GON4L: variants seen among roughly 807,000 people sequenced by gnomAD.
GON4L encodes the protein gon-4 like.
GON4L carries 87 observed loss-of-function variants against 211.8 expected under a neutral mutation model. That is an observed-to-expected ratio of 0.41 (90% CI 0.35 to 0.49). The LOEUF (loss-of-function observed/expected upper bound fraction) is 0.49. Ranked by LOEUF, GON4L falls within the 20% of genes least tolerant of loss-of-function variation. The pLI is 0.15. For synonymous variants in GON4L, 875 were observed against 962.6 expected (o/e 0.91, Z 1.68); for missense variants, 2,155 against 2,659.5 (o/e 0.81, Z 4.17).
chr1:155,791,717 A>G (rs12040894), intron 12 of GON4L, among the ~76,000 whole-genome samples: 42,679 of 151,488 alleles, frequency 0.28, 6,685 homozygotes, highest in East Asian at 0.7. Flanking sequence ...AAAATACAAA[A>G]ATTAGCTGGG....
intron 2 of GON4L, 68 bp downstream of exon 2, chr1:155,853,208 G>T: frequency 8.0e-7 from 1 of 1,246,554 alleles, no homozygotes; most frequent in Non-Finnish European, 1.2e-6. Context: ...CTCTGTAAAG[G>T]TATCCAGAAA....
chr1:155,751,831 T>C lies in GON4L; in HGVS notation c.6512A>G (p.Gln2171Arg). ...DRVILTMCQE[Q>R]GAQPQTFNII... ...GTTGAAGGTCTGTGGCTGTGCCCCT[T>C]GCTCCTGGCACATGGTGAGGATCAC... Residue 2171 changes from glutamine to arginine, a missense_variant, in exon 31 of 32, where the codon CAA becomes CGA. By Grantham distance (43) the Gln-to-Arg change is conservative. Around this residue, in one of 6 missense-constraint regions of GON4L, gnomAD observed 186 missense variants for 308.1 expected, o/e 0.60. Coordinates refer to ENST00000368331, the MANE Select transcript of GON4L (RefSeq NM_001282860.2). 2 of 1,613,786 alleles carry C rather than the reference T, an allele frequency of 1.2e-6. No individual in the cohort carries two copies. Among genetic ancestry groups the C allele is most frequent in the Non-Finnish European group, 1.7e-6 (2 of 1,179,696 alleles).
intron 2 of GON4L, among the ~76,000 whole-genome samples, chr1:155,848,819 G>T (rs567926534): frequency 6.6e-6 from 1 of 152,322 alleles, no homozygotes; most frequent in South Asian, 2.1e-4. Flanking sequence ...ACATCAAAAT[G>T]TGTTTTGTAG....
intron 27 of GON4L, among the ~76,000 whole-genome samples, chr1:155,756,258 A>G (rs1468191934): frequency 1.3e-5 from 2 of 152,214 alleles, no homozygotes; most frequent in East Asian, 1.9e-4. Context: ...TATCATTATT[A>G]TTAATATGGG....
rs923308664 is a variant in GON4L at position 155,765,443 on chromosome 1, T to A, written c.4030A>T (p.Ile1344Phe). The A allele has an allele frequency of 2.5e-5, 41 of 1,614,034 alleles. No individual in the cohort carries two copies. The highest frequency in any genetic ancestry group is 3.4e-5 in the Non-Finnish European group (40 of 1,180,018). Residue 1344 changes from isoleucine to phenylalanine, a missense_variant, in exon 21 of 32, where the codon ATT becomes TTT. By Grantham distance (21) the Ile-to-Phe change is conservative (BLOSUM62 0). Transcript: ENST00000368331. ...TGTTCCACTTTGATGTCATCACAAA[T>A]ATCACGCTCAGGGGATCCACTGATT... is the stretch of plus-strand genomic sequence containing the variant. ...EEISGSPERDICDDIKVEHAV... is the reference protein window; with the variant it reads ...EEISGSPERDFCDDIKVEHAV...
intron 6 of GON4L, among the ~76,000 whole-genome samples, chr1:155,820,291 C>A (rs1434841758): frequency 4.6e-5 from 7 of 152,164 alleles, no homozygotes. Context: ...CCCTGGAACA[C>A]ACTATGAAAA....
chr1:155,753,947 G>A, intron 28 of GON4L: 1 of 268,324 alleles, frequency 3.7e-6, no homozygotes, highest in East Asian at 1.0e-4. Flanking sequence ...ATGGCTCACT[G>A]CAACCTCTGC....
chr1:155,758,760 T>G (rs1351261381), intron 24 of GON4L, among the ~76,000 whole-genome samples: 2 of 152,012 alleles, frequency 1.3e-5, no homozygotes, highest in Non-Finnish European at 2.9e-5. Flanking sequence ...ATGCCTGTAA[T>G]CCCTGCTACC....
At chr1:155,767,087 G>A in intron 20 of GON4L, 1 of 613,478 alleles carries the variant, frequency 1.6e-6, no homozygotes, top group Middle Eastern at 4.4e-4. Flanking sequence ...AAAAACAATA[G>A]GGCTTTCTAG....
Position 155,754,380 on chromosome 1 carries a change from TGCTACAGTG to T in GON4L, c.5617_5625del (p.His1873_Ser1875del), listed in dbSNP as rs866826319. ...ACCCTTGATACTTTCCTCACCTTGCTGCTACAGTGGCTACAGCTCCGCCTTTTGCTCTTC... is the reference window on the plus strand; with the variant it reads ...ACCCTTGATACTTTCCTCACCTTGCTGCTACAGCTCCGCCTTTTGCTCTTC... On this transcript the variant is annotated inframe_deletion, in exon 28 of 32. Transcript: ENST00000368331. 1.3e-6 allele frequency: 2 copies of T among 1,596,358 alleles called. No individual in the cohort carries two copies. The highest frequency in any genetic ancestry group is 2.7e-5 in the African/African-American group (2 of 74,628).
At chr1:155,806,046 G>A (rs758579162) in intron 10 of GON4L, among the ~76,000 whole-genome samples, 2 of 149,938 alleles carry the variant, frequency 1.3e-5, no homozygotes, top group Non-Finnish European at 3.0e-5. Flanking sequence ...CTACAGCACT[G>A]GCACAATCAG....
intron 6 of GON4L, among the ~76,000 whole-genome samples, chr1:155,820,143 A>G (rs998647024): frequency 3.3e-5 from 5 of 151,870 alleles, no homozygotes; most frequent in African/African-American, 1.2e-4. Flanking sequence ...CGAACTCCTG[A>G]CTTCAAGTGA....
Position 155,853,773 on chromosome 1 carries a change from G to T in GON4L, c.8C>A (p.Pro3His), listed in dbSNP as rs769679479. 5 of 1,612,976 alleles carry T rather than the reference G, an allele frequency of 3.1e-6. No individual in the cohort carries two copies. The highest frequency in any genetic ancestry group is 4.2e-6 in the Non-Finnish European group (5 of 1,179,156). Residue 3 changes from proline to histidine, a missense_variant, in exon 2 of 32, where the codon CCC (proline) becomes CAC (histidine). By Grantham distance (77) the Pro-to-His change is moderately conservative. Around this residue, in one of 6 missense-constraint regions of GON4L, gnomAD observed 313 missense variants for 293.2 expected, o/e 1.07. Coordinates refer to ENST00000368331, the MANE Select transcript of GON4L (RefSeq NM_001282860.2). ...CACTGTAGTTCTTCTCTTCTTACAG[G>T]GCAACATTTTAAAAGTCCCACTTTT... ML[P>H]CKKRRTTVTE...
chr1:155,754,631 G>A lies in GON4L; in HGVS notation c.5518-143C>T, dbSNP rs1292993077. ...CGCAACCTCTGCCTCCCAGGTTCAA[G>A]GGATTCTCCTGCCTCAGGCTCCTGA... is the stretch of plus-strand genomic sequence containing the variant. On this transcript the variant is annotated intron_variant, in intron 27 of 31. Transcript: ENST00000368331. 6.6e-6 allele frequency: 4 copies of A among 602,330 alleles called. No individual in the cohort carries two copies. The African/African-American group carries it at 7.5e-5, about 11-fold the overall frequency. The allele number at this position is 602,330 out of a possible 1,614,324, so 37.3% of individuals were successfully genotyped here.
chr1:155,787,023 G>A (rs1477352726), intron 12 of GON4L, among the ~76,000 whole-genome samples: 3 of 151,758 alleles, frequency 2.0e-5, no homozygotes, highest in African/African-American at 7.3e-5. Context: ...CCAGGTTCAC[G>A]CCATTCTCCT....
chr1:155,767,859 C>A (rs1662698038), intron 19 of GON4L, among the ~76,000 whole-genome samples: 1 of 152,182 alleles, frequency 6.6e-6, no homozygotes, highest in Admixed American at 6.5e-5. Context: ...ATGCTCAGAG[C>A]AATCTTATGT....
intron 29 of GON4L, among the ~76,000 whole-genome samples, chr1:155,752,866 T>C (rs887629805): frequency 2.6e-5 from 4 of 152,102 alleles, no homozygotes; most frequent in Non-Finnish European, 4.4e-5. Flanking sequence ...ATGTCACTTA[T>C]GCAAAGATAT....
At chr1:155,796,803 A>C (rs1379537019) in intron 11 of GON4L, among the ~76,000 whole-genome samples, 3 of 152,078 alleles carry the variant, frequency 2.0e-5, no homozygotes, top group Non-Finnish European at 4.4e-5. Context: ...TGAGAAATGC[A>C]GCTAGTGTGA....
downstream of GON4L, chr1:155,747,000 T>A: frequency 6.3e-7 from 1 of 1,584,704 alleles, no homozygotes; most frequent in Non-Finnish European, 8.6e-7. Context: ...GCACTCCTTT[T>A]CCTAAGGACT....
Sources: gnomAD v4.1 joint callset for allele counts (sites outside exome capture counted in the v4.1 genomes callset) on GRCh38, gnomAD v4.1.1 for gene constraint, gnomAD v4.1.1 regional missense constraint, MANE v1.5 for transcripts, NCBI Gene and HGNC (gene_info 2026-07-23, HGNC 2026-07-21) for gene names.